Variants in GSAP observed in about 807,000 individuals in gnomAD.
GSAP encodes gamma-secretase activating protein, also known as gamma-secretase-activating protein.
In GSAP, 118 loss-of-function variants were observed where a neutral mutation model predicts 131.7. The observed-to-expected ratio is 0.90, with a 90% CI of 0.77 to 1.04. The LOEUF (loss-of-function observed/expected upper bound fraction) is 1.04. GSAP is among the 50% of genes least tolerant of loss of function. The probability of loss-of-function intolerance (pLI) is 0.00; values close to 1 mark genes in which losing one functional copy is unlikely to be tolerated. For synonymous variants in GSAP, 381 were observed against 363.4 expected, an observed-to-expected ratio of 1.05 and a Z score of -0.55; for missense variants, 1,019 against 1,013.2, an observed-to-expected ratio of 1.01 and a Z score of -0.08.
intron 2 of GSAP, among the ~76,000 whole-genome samples, chr7:77,404,989 G>A (rs1340531057): frequency 6.6e-6 from 1 of 152,154 alleles, no homozygotes; most frequent in Non-Finnish European, 1.5e-5. Flanking sequence ...TTCCTTAAAG[G>A]TACCATTCTA....
At chr7:77,346,280 A>T (rs1459889210) in intron 19 of GSAP, among the ~76,000 whole-genome samples, 1 of 150,792 alleles carries the variant, frequency 6.6e-6, no homozygotes, top group Non-Finnish European at 1.5e-5. Flanking sequence ...CAAAAAAAAA[A>T]AAAAAAAAAA....
intron 19 of GSAP, among the ~76,000 whole-genome samples, chr7:77,331,021 T>C (rs776012744): frequency 6.6e-6 from 1 of 152,198 alleles, no homozygotes; most frequent in Non-Finnish European, 1.5e-5. Flanking sequence ...TGTTAATACG[T>C]TCTTAGTGTT....
intron 19 of GSAP, among the ~76,000 whole-genome samples, chr7:77,334,385 G>A (rs1034990600): frequency 6.6e-6 from 1 of 151,742 alleles, no homozygotes; most frequent in Non-Finnish European, 1.5e-5. Context: ...AGAATACATG[G>A]ACACAGGGAG....
intron 1 of GSAP, among the ~76,000 whole-genome samples, chr7:77,411,836 G>A (rs1228608316): frequency 1.3e-5 from 2 of 152,128 alleles, no homozygotes; most frequent in Admixed American, 1.3e-4. Context: ...CTAAGGTGAG[G>A]GGACTTACCC....
chr7:77,329,588 C>T (rs755986544), intron 20 of GSAP, 197 bp from the exon 21 acceptor site: 7 of 360,458 alleles, frequency 1.9e-5, no homozygotes, highest in East Asian at 9.6e-5. Flanking sequence ...CAGGAAACTG[C>T]GAGTCAACTA....
intron 22 of GSAP, chr7:77,328,311 TG>T: frequency 8.6e-7 from 1 of 1,157,244 alleles, no homozygotes; most frequent in Non-Finnish European, 1.1e-6. Context: ...AAATGCATCC[TG>T]TGGGCACAGC....
chr7:77,365,722 G>A (rs779019135), intron 12 of GSAP, among the ~76,000 whole-genome samples: 1 of 152,068 alleles, frequency 6.6e-6, no homozygotes, highest in Non-Finnish European at 1.5e-5. Context: ...ATGGTAGAAT[G>A]ATTTTTATTC....
intron 14 of GSAP, among the ~76,000 whole-genome samples, chr7:77,356,027 A>G: frequency 1.4e-5 from 1 of 73,176 alleles, no homozygotes; most frequent in East Asian, 2.3e-4. Context: ...CCTGGGCTCA[A>G]GCAATCCTCC....
At chr7:77,387,282 TACTTTGTAA>T (rs1798714186) in intron 6 of GSAP, 69 bp downstream of exon 6, 1 of 772,986 alleles carries the variant, frequency 1.3e-6, no homozygotes, top group African/African-American at 1.7e-5. Context: ...AGAGTGAAAG[TACTTTGTAA>T]ACCCCAATTC....
At position 77,323,687 on chromosome 7, in the gene GSAP, T is replaced by G. The variant is rs754063900; in HGVS notation, c.1883A>C (p.Lys628Thr). The change falls in exon 24 of 31, where the codon AAG becomes ACG. Residue 628 changes from lysine (K) to threonine (T), a missense_variant. Lys to Thr is a moderately conservative substitution (Grantham distance 78, BLOSUM62 -1). Coordinates refer to ENST00000257626, the MANE Select transcript of GSAP (RefSeq NM_017439.4). ...GTCCAGAACCATCTGTTCAATTTTCTTCTTTTCTACACCCTGTAGGTGTCT... is the reference window on the plus strand; with the variant it reads ...GTCCAGAACCATCTGTTCAATTTTCGTCTTTTCTACACCCTGTAGGTGTCT... ...FLRHLQGVEK[K>T]KIEQMVLDYI... The G allele has an allele frequency of 6.2e-7, 1 of 1,609,230 alleles. No individual in the cohort carries two copies. The highest frequency in any genetic ancestry group is 1.7e-5 in the Admixed American group (1 of 59,794).
At chr7:77,394,473 C>T (rs1426179972) in intron 5 of GSAP, among the ~76,000 whole-genome samples, 2 of 152,146 alleles carry the variant, frequency 1.3e-5, no homozygotes, top group African/African-American at 4.8e-5. Flanking sequence ...TAGTATCATT[C>T]CCCAGATAAA....
At chr7:77,355,081 T>C (rs1442483915) in intron 16 of GSAP, 132 bp downstream of exon 16, 8 of 626,722 alleles carry the variant, frequency 1.3e-5, no homozygotes, top group Non-Finnish European at 1.9e-5. Flanking sequence ...AAGATGACGA[T>C]GTCAGCAGCA....
At chr7:77,404,768 C>T (rs7791467) in intron 2 of GSAP, among the ~76,000 whole-genome samples, 153 bp from the exon 3 acceptor site, 5,353 of 152,316 alleles carry the variant, frequency 0.035, 314 homozygotes, top group African/African-American at 0.12. Context: ...GAATCCAGTT[C>T]AGCTAGTCAT....
intron 26 of GSAP, among the ~76,000 whole-genome samples, chr7:77,319,462 C>T (rs1350589900): frequency 6.6e-6 from 1 of 152,130 alleles, no homozygotes; most frequent in Non-Finnish European, 1.5e-5. Context: ...TAAAGTGGTA[C>T]AGCCACTGTG....
intron 27 of GSAP, among the ~76,000 whole-genome samples, chr7:77,313,990 C>G (rs1354254315): frequency 6.6e-6 from 1 of 152,080 alleles, no homozygotes; most frequent in Non-Finnish European, 1.5e-5. Context: ...TCTTGAGAAA[C>G]AAGCCTGCAG....
chr7:77,365,889 C>A (rs933080721), intron 12 of GSAP, among the ~76,000 whole-genome samples: 15 of 147,142 alleles, frequency 1.0e-4, no homozygotes, highest in Non-Finnish European at 1.6e-4. Context: ...ACCTTGCCAG[C>A]AACTGTGGGT....
chr7:77,386,801 T>C (rs1221957571), intron 6 of GSAP, among the ~76,000 whole-genome samples: 2 of 152,194 alleles, frequency 1.3e-5, no homozygotes, highest in East Asian at 1.9e-4. Context: ...TCAACCTCAA[T>C]TGCGAATGTG....
chr7:77,351,556 T>C, intron 18 of GSAP: 2 of 985,688 alleles, frequency 2.0e-6, no homozygotes, highest in Non-Finnish European at 2.4e-6. Flanking sequence ...ACAAGAAGTT[T>C]AAAGCAACAT....
At chr7:77,338,051 A>T (rs1001714781) in intron 19 of GSAP, among the ~76,000 whole-genome samples, 4 of 152,104 alleles carry the variant, frequency 2.6e-5, no homozygotes, top group African/African-American at 7.2e-5. Context: ...TGTGGTCCCA[A>T]CTACTTGGGA....
Sources: gnomAD v4.1 joint callset for allele counts (sites outside exome capture counted in the v4.1 genomes callset) on GRCh38, gnomAD v4.1.1 for gene constraint, MANE v1.5 for transcripts, NCBI Gene and HGNC (gene_info 2026-07-23, HGNC 2026-07-21) for gene names.